UGT1A6: variants seen among roughly 807,000 people sequenced by gnomAD.
UGT1A6 encodes the protein UDP-glucuronosyltransferase 1A6.
In UGT1A6, 32 loss-of-function variants were observed where a neutral mutation model predicts 44.4. The observed-to-expected ratio is 0.72, with a 90% confidence interval of 0.54 to 0.97. The LOEUF (loss-of-function observed/expected upper bound fraction) is 0.97, where lower values mean the gene tolerates loss of function less well. Ranked by LOEUF, UGT1A6 falls within the 50% of genes least tolerant of loss-of-function variation. The pLI is 0.00. For missense variants in UGT1A6, 685 were observed against 661.9 expected (o/e 1.03, Z -0.38); for synonymous variants, 238 against 248.5 (o/e 0.96, Z 0.40).
chr2:233,756,383 G>C (rs1251159335), intron 1 of UGT1A6: 1 of 151,718 alleles, frequency 6.6e-6, no homozygotes, highest in Non-Finnish European at 1.5e-5. Flanking sequence ...GTAAATAGTT[G>C]TTTTACAGTA....
intron 1 of UGT1A6, among the ~76,000 whole-genome samples, chr2:233,732,023 C>A (rs1433025634): frequency 6.6e-6 from 1 of 152,226 alleles, no homozygotes; most frequent in Non-Finnish European, 1.5e-5. Context: ...ATTTGCATTT[C>A]TCTGATGACC....
At chr2:233,719,100 C>A (rs780011480) in intron 1 of UGT1A6, 1 of 1,614,270 alleles carries the variant, frequency 6.2e-7, no homozygotes, top group Admixed American at 1.7e-5. Flanking sequence ...TCGCGTTACG[C>A]TGGGCTACAC....
chr2:233,702,653 G>A (rs746758622), intron 1 of UGT1A6, among the ~76,000 whole-genome samples: 35 of 152,040 alleles, frequency 2.3e-4, no homozygotes, highest in Non-Finnish European at 4.7e-4. Flanking sequence ...TTCCTAGCTC[G>A]TTGAGTATTC....
chr2:233,724,478 T>C (rs865902503), intron 1 of UGT1A6, among the ~76,000 whole-genome samples: 108 of 60,136 alleles, frequency 1.8e-3, no homozygotes, highest in South Asian at 3.9e-3. Flanking sequence ...TCCTCACTTC[T>C]CAGACGGGGC....
intron 1 of UGT1A6, among the ~76,000 whole-genome samples, chr2:233,700,712 C>CT (rs1247819378): frequency 6.6e-6 from 1 of 151,478 alleles, no homozygotes; most frequent in African/African-American, 2.4e-5. Context: ...ATGTTTTTTT[C>CT]TTTTTTTAAA....
chr2:233,718,985 C>T (rs45571233), intron 1 of UGT1A6: 1 of 1,614,226 alleles, frequency 6.2e-7, no homozygotes, highest in East Asian at 2.2e-5. Flanking sequence ...ATGCCAGAGG[C>T]CACCAGGCGG....
intron 1 of UGT1A6, among the ~76,000 whole-genome samples, chr2:233,734,879 CAGTT>C (rs1435181219): frequency 6.6e-6 from 1 of 152,150 alleles, no homozygotes; most frequent in Non-Finnish European, 1.5e-5. Flanking sequence ...GTCTGAGAGA[CAGTT>C]TGTTGTGATT....
intron 1 of UGT1A6, among the ~76,000 whole-genome samples, chr2:233,736,953 C>G (rs1030380285): frequency 2.0e-5 from 3 of 152,174 alleles, no homozygotes; most frequent in Admixed American, 1.3e-4. Flanking sequence ...TGTCTGTTGG[C>G]CCCTACTGGG....
intron 1 of UGT1A6, among the ~76,000 whole-genome samples, chr2:233,717,385 T>G (rs2076570298): frequency 6.6e-6 from 1 of 152,230 alleles, no homozygotes; most frequent in Non-Finnish European, 1.5e-5. Context: ...AGACCTGCCC[T>G]CTCTGTGCCA....
chr2:233,754,888 TC>T (rs1267337682), intron 1 of UGT1A6: 34 of 1,351,412 alleles, frequency 2.5e-5, no homozygotes, highest in Non-Finnish European at 3.4e-5. Flanking sequence ...CCCAGGGAGT[TC>T]CTCTGACCCC....
At chr2:233,758,733 C>T (rs1161987353) in intron 1 of UGT1A6, among the ~76,000 whole-genome samples, 1 of 152,140 alleles carries the variant, frequency 6.6e-6, no homozygotes, top group African/African-American at 2.4e-5. Context: ...TAAGCACATC[C>T]CCAAGTATGG....
intron 1 of UGT1A6, chr2:233,729,180 T>G: frequency 6.2e-6 from 10 of 1,613,900 alleles, no homozygotes; most frequent in Non-Finnish European, 7.6e-6. Context: ...GACTGCTGCT[T>G]CTCCTCAGTG....
rs1239644692 is a variant in UGT1A6 at position 233,769,886 on chromosome 2, C to T, written c.1301+1447C>T. On this transcript the variant is annotated intron_variant, in intron 4 of 4. Coordinates refer to ENST00000305139, the MANE Select transcript of UGT1A6 (RefSeq NM_001072.4). The surrounding 1 kb of genome is among the most constrained non-coding windows in gnomAD (Gnocchi z 4.4). ...AAAAAAAAAAAAAATGAAAAGTCCACATAACCTGAGCATCATGTGCCCAGA... is the reference window on the plus strand; with the variant it reads ...AAAAAAAAAAAAAATGAAAAGTCCATATAACCTGAGCATCATGTGCCCAGA... The T allele has an allele frequency of 5.3e-5, 21 of 399,374 alleles. No individual in the cohort carries two copies. The South Asian group carries it at 8.0e-4, about 15-fold the overall frequency. The allele number at this position is 399,374 out of a possible 1,614,324, so 24.7% of individuals were successfully genotyped here.
chr2:233,734,667 C>G (rs1395342717), intron 1 of UGT1A6, among the ~76,000 whole-genome samples: 1 of 152,100 alleles, frequency 6.6e-6, no homozygotes. Flanking sequence ...ATAAATTTCC[C>G]TCTACACACT....
chr2:233,727,615 G>A (rs1416380597), intron 1 of UGT1A6, among the ~76,000 whole-genome samples: 1 of 152,148 alleles, frequency 6.6e-6, no homozygotes, highest in Non-Finnish European at 1.5e-5. Flanking sequence ...TAGTTCAGAG[G>A]CTGAGAGGTT....
intron 1 of UGT1A6, among the ~76,000 whole-genome samples, chr2:233,736,405 A>G (rs1182654353): frequency 4.6e-5 from 7 of 152,208 alleles, no homozygotes; most frequent in Non-Finnish European, 1.0e-4. Context: ...CTAGTTAGGC[A>G]TTCATCTAAC....
chr2:233,695,584 C>A (rs28899170), intron 1 of UGT1A6, among the ~76,000 whole-genome samples: 43,733 of 151,366 alleles, frequency 0.29, 6,589 homozygotes, highest in South Asian at 0.36. Context: ...CCCTACTTAC[C>A]CTTTCCACCT....
chr2:233,693,905 C>T, intron 1 of UGT1A6, 40 bp downstream of exon 1: 1 of 1,613,116 alleles, frequency 6.2e-7, no homozygotes, highest in Non-Finnish European at 8.5e-7. Context: ...TTGTTTCTTC[C>T]AGGCTCTGTC....
At chr2:233,728,691 G>A (rs2077742456) in intron 1 of UGT1A6, among the ~76,000 whole-genome samples, 1 of 152,170 alleles carries the variant, frequency 6.6e-6, no homozygotes, top group South Asian at 2.1e-4. Flanking sequence ...AAGTTTCAAG[G>A]GTTAGCAAAT....
Sources: gnomAD v4.1 joint callset for allele counts (sites outside exome capture counted in the v4.1 genomes callset) on GRCh38, gnomAD v4.1.1 for gene constraint, Gnocchi (gnomAD v3.1) non-coding constraint, MANE v1.5 for transcripts, NCBI Gene and HGNC (gene_info 2026-07-23, HGNC 2026-07-21) for gene names.